Variants in PRDM10 observed in about 807,000 individuals in gnomAD.
The protein encoded by PRDM10 is PR domain zinc finger protein 10.
PRDM10 carries 65 observed loss-of-function variants against 133.1 expected under a neutral mutation model. That is an observed-to-expected ratio of 0.49 (90% confidence interval 0.40 to 0.60). The LOEUF is 0.60. PRDM10 is among the 20% of genes least tolerant of loss of function. The probability of loss-of-function intolerance (pLI) is 0.00; values close to 1 mark genes in which losing one functional copy is unlikely to be tolerated. For synonymous variants in PRDM10, 582 were observed against 580.4 expected (o/e 1.00, Z -0.04); for missense variants, 1,137 against 1,507.1 (o/e 0.75, Z 4.07).
intron 1 of PRDM10, among the ~76,000 whole-genome samples, chr11:129,998,474 C>G (rs1158766524): frequency 2.0e-5 from 3 of 152,128 alleles, no homozygotes; most frequent in Non-Finnish European, 2.9e-5. Context: ...CAAACTACAG[C>G]CTATGTTAGC....
intron 1 of PRDM10, among the ~76,000 whole-genome samples, chr11:129,981,661 C>T (rs1328105080): frequency 9.9e-5 from 15 of 152,014 alleles, no homozygotes; most frequent in Non-Finnish European, 4.4e-5. Context: ...TTTGGGAGGC[C>T]GAGGTGGGTA....
chr11:129,976,471 A>G (rs529981155), intron 1 of PRDM10, among the ~76,000 whole-genome samples: 1 of 152,204 alleles, frequency 6.6e-6, no homozygotes, highest in Non-Finnish European at 1.5e-5. Flanking sequence ...AACATTCATC[A>G]GTTCAGTCCA....
chr11:129,960,085 A>G (rs1951768626), intron 2 of PRDM10, among the ~76,000 whole-genome samples: 1 of 152,084 alleles, frequency 6.6e-6, no homozygotes, highest in Non-Finnish European at 1.5e-5. Flanking sequence ...ATCATACCAG[A>G]TAACCAATTT....
intron 16 of PRDM10, 52 bp from the exon 17 acceptor site, chr11:129,915,070 C>T (rs752522111): frequency 1.7e-5 from 26 of 1,517,458 alleles, no homozygotes; most frequent in African/African-American, 1.4e-4. Context: ...TGTGATTTTC[C>T]GTTTTTCTCA....
chr11:129,968,035 C>A (rs1807782115), intron 1 of PRDM10, among the ~76,000 whole-genome samples: 1 of 152,176 alleles, frequency 6.6e-6, no homozygotes, highest in African/African-American at 2.4e-5. Flanking sequence ...CAGCTGCACA[C>A]AGAGGTGGAG....
intron 4 of PRDM10, among the ~76,000 whole-genome samples, chr11:129,949,246 C>T (rs535213417): frequency 6.6e-6 from 1 of 152,204 alleles, no homozygotes; most frequent in African/African-American, 2.4e-5. Context: ...TGCCCCACCC[C>T]TTAGCAAGTT....
chr11:130,001,771 G>GAGGT (rs755387787), intron 1 of PRDM10, among the ~76,000 whole-genome samples: 1 of 152,170 alleles, frequency 6.6e-6, no homozygotes, highest in Non-Finnish European at 1.5e-5. Flanking sequence ...AGGGGCTGGA[G>GAGGT]AGGTGCACAC....
At chr11:129,906,994 A>AG (rs1166530262) in intron 19 of PRDM10, among the ~76,000 whole-genome samples, 6 of 151,762 alleles carry the variant, frequency 4.0e-5, no homozygotes, top group Non-Finnish European at 5.9e-5. Flanking sequence ...AAAAAGAAAA[A>AG]AAAAAAAAGA....
intron 1 of PRDM10, among the ~76,000 whole-genome samples, chr11:129,986,106 T>G (rs1462881492): frequency 1.3e-5 from 2 of 151,014 alleles, no homozygotes; most frequent in African/African-American, 4.9e-5. Flanking sequence ...CCTCGCCCTG[T>G]GCCTCCAACC....
At chr11:129,985,146 G>T (rs1173063526) in intron 1 of PRDM10, among the ~76,000 whole-genome samples, 1 of 152,172 alleles carries the variant, frequency 6.6e-6, no homozygotes, top group African/African-American at 2.4e-5. Flanking sequence ...ATATAGTGCA[G>T]TCTTCTGCTT....
At chr11:129,948,692 A>G (rs1433166086) in intron 4 of PRDM10, among the ~76,000 whole-genome samples, 1 of 152,208 alleles carries the variant, frequency 6.6e-6, no homozygotes, top group Non-Finnish European at 1.5e-5. Context: ...CGCCACAAGA[A>G]TCAAATATCT....
At chr11:129,982,551 G>A (rs910321260) in intron 1 of PRDM10, among the ~76,000 whole-genome samples, 1 of 152,034 alleles carries the variant, frequency 6.6e-6, no homozygotes, top group South Asian at 2.1e-4. Flanking sequence ...TGTTAACCAC[G>A]GTTACCTTTG....
chr11:129,959,171 T>A (rs1951751063), intron 2 of PRDM10, among the ~76,000 whole-genome samples: 1 of 152,146 alleles, frequency 6.6e-6, no homozygotes, highest in Non-Finnish European at 1.5e-5. Flanking sequence ...ACTAATTTAA[T>A]CCCCAGAAGG....
intron 20 of PRDM10, among the ~76,000 whole-genome samples, chr11:129,904,216 A>C (rs572298508): frequency 6.0e-4 from 90 of 150,870 alleles, no homozygotes; most frequent in African/African-American, 2.1e-3. Flanking sequence ...AAGACTAGTT[A>C]GCTACCCTCT....
At chr11:129,942,098 G>A (rs1457133117) in intron 7 of PRDM10, among the ~76,000 whole-genome samples, 3 of 152,178 alleles carry the variant, frequency 2.0e-5, no homozygotes, top group Non-Finnish European at 2.9e-5. Context: ...GTTTTGCCAT[G>A]TTGACCAGGC....
intron 1 of PRDM10, among the ~76,000 whole-genome samples, chr11:129,970,983 C>G (rs1214173170): frequency 6.6e-6 from 1 of 152,172 alleles, no homozygotes; most frequent in Admixed American, 6.5e-5. Context: ...CTGGGTCTCA[C>G]TGACTTCAAG....
chr11:129,918,622 G>C lies in PRDM10; in HGVS notation c.2131C>G (p.Pro711Ala). The C allele has an allele frequency of 1.2e-6, 2 of 1,614,222 alleles. No homozygotes were observed. The highest frequency in any genetic ancestry group is 1.7e-6 in the Non-Finnish European group (2 of 1,180,030). The change falls in exon 14 of 21, where the codon CCC (proline) becomes GCC (alanine). Residue 711 changes from proline (P) to alanine (A), a missense_variant. Coordinates refer to ENST00000360871, the MANE Select transcript of PRDM10 (RefSeq NM_199437.2). This position sits in a 1 kb window ranked among gnomAD's most constrained non-coding sequence, Gnocchi z 5.3. Reference protein sequence around the residue: ...DRISRSKTFKPRITSTDYDSF... With the variant: ...DRISRSKTFKARITSTDYDSF... Reference sequence around the variant, plus strand: ...TCGTAGTCTGTGGACGTGATGCGGGGCTTGAACGTCTTGGAGCGGCTGATG... The same window carrying C: ...TCGTAGTCTGTGGACGTGATGCGGGCCTTGAACGTCTTGGAGCGGCTGATG...
At chr11:129,976,494 G>A (rs563959266) in intron 1 of PRDM10, among the ~76,000 whole-genome samples, 6 of 152,282 alleles carry the variant, frequency 3.9e-5, no homozygotes, top group African/African-American at 1.2e-4. Context: ...TAATGGTCAC[G>A]ACAACTCAAT....
At chr11:129,964,215 G>T (rs747926725) in intron 1 of PRDM10, among the ~76,000 whole-genome samples, 23 of 152,166 alleles carry the variant, frequency 1.5e-4, no homozygotes, top group Non-Finnish European at 2.4e-4. Flanking sequence ...GCGGGGATCG[G>T]CAGGTACAGC....
Sources: allele counts gnomAD v4.1 joint callset (sites outside exome capture counted in the v4.1 genomes callset), GRCh38; gene constraint gnomAD v4.1.1; non-coding constraint Gnocchi (gnomAD v3.1); transcripts MANE v1.5; gene names NCBI Gene and HGNC (gene_info 2026-07-23, HGNC 2026-07-21).